SFXN1: variants seen among roughly 807,000 people sequenced by gnomAD.
The protein encoded by SFXN1 is sideroflexin-1.
In SFXN1, 32 loss-of-function variants were observed where a neutral mutation model predicts 39.5. That is an observed-to-expected ratio of 0.81 (90% CI 0.61 to 1.09). SFXN1 has a LOEUF of 1.09. Ranked by LOEUF, SFXN1 falls within the 50% of genes least tolerant of loss-of-function variation. SFXN1 has a pLI of 0.00. For missense variants in SFXN1, 402 were observed against 407.1 expected (o/e 0.99, Z 0.11); for synonymous variants, 136 against 146.5 (o/e 0.93, Z 0.52).
At chr5:175,525,584 C>CTA (rs1041713721) in intron 10 of SFXN1, among the ~76,000 whole-genome samples, 1 of 152,030 alleles carries the variant, frequency 6.6e-6, no homozygotes, top group African/African-American at 2.4e-5. Context: ...ACCTTACAGT[C>CTA]TATCACATGT....
At chr5:175,507,077 C>T (rs185384301) in intron 2 of SFXN1, among the ~76,000 whole-genome samples, 1 of 152,302 alleles carries the variant, frequency 6.6e-6, no homozygotes, top group East Asian at 1.9e-4. Flanking sequence ...TCTAAGAATC[C>T]TTCCTTGGGG....
intron 7 of SFXN1, among the ~76,000 whole-genome samples, chr5:175,515,470 T>C (rs76361465): frequency 0.067 from 10,170 of 152,282 alleles, 459 homozygotes; most frequent in Admixed American, 0.11. Context: ...GTGCAATTTA[T>C]AAGAGTAATT....
chr5:175,513,704 C>A, intron 7 of SFXN1, 114 bp downstream of exon 7: 1 of 1,128,796 alleles, frequency 8.9e-7, no homozygotes, highest in South Asian at 1.4e-5. Flanking sequence ...TTGCCTTCCA[C>A]TGGGGGTGGC....
At chr5:175,480,145 T>C (rs991311142) in intron 1 of SFXN1, among the ~76,000 whole-genome samples, 4 of 152,134 alleles carry the variant, frequency 2.6e-5, no homozygotes, top group African/African-American at 7.2e-5. Flanking sequence ...CTCACGCCTG[T>C]AATCCCAGCA....
chr5:175,515,344 AT>A (rs1760681886), intron 7 of SFXN1, among the ~76,000 whole-genome samples: 1 of 152,110 alleles, frequency 6.6e-6, no homozygotes, highest in Admixed American at 6.5e-5. Flanking sequence ...TCTGTTTTGA[AT>A]TGCCTTACTC....
intron 5 of SFXN1, 109 bp from the exon 6 acceptor site, chr5:175,512,002 A>G (rs779356549): frequency 1.2e-4 from 117 of 994,222 alleles, no homozygotes; most frequent in African/African-American, 2.0e-4. Flanking sequence ...CTGAGTTTCT[A>G]TGCAAATGGG....
intron 3 of SFXN1, chr5:175,509,482 G>T: frequency 4.8e-6 from 1 of 208,218 alleles, no homozygotes. Flanking sequence ...TTCACTTTTA[G>T]TTCCATTATG....
intron 2 of SFXN1, among the ~76,000 whole-genome samples, chr5:175,508,019 A>G (rs180910423): frequency 3.3e-5 from 5 of 151,654 alleles, no homozygotes; most frequent in East Asian, 1.9e-4. Context: ...TTTTCATTCT[A>G]TAGGTATAAA....
chr5:175,492,524 C>G, intron 2 of SFXN1: 1 of 290,332 alleles, frequency 3.4e-6, no homozygotes, highest in East Asian at 6.6e-5. Flanking sequence ...CAATCCCTTT[C>G]TCCTGGCAGC....
rs143312953 is a variant in SFXN1 at position 175,480,985 on chromosome 5, A to G, written c.-10+2346A>G. ...AAATTAGACCATGTGTCAAACCTGC[A>G]CTTAATTACACAAAGTTCAAAGTTA... On this transcript the variant is annotated intron_variant, in intron 1 of 10. Transcript: ENST00000321442. Among the ~76,000 whole-genome samples the G allele has an allele frequency of 4.3e-4, 65 of 152,372 alleles. 1 individual carries two copies. Among genetic ancestry groups the G allele is most frequent in the Middle Eastern group, 3.4e-3 (1 of 294 alleles).
At chr5:175,523,921 T>C (rs1367794921) in intron 10 of SFXN1, 1 of 151,732 alleles carries the variant, frequency 6.6e-6, no homozygotes, top group Admixed American at 6.6e-5. Context: ...GTATCCTCAT[T>C]GATCCAAGCA....
At chr5:175,526,590 T>C in intron 10 of SFXN1, 48 bp from the exon 11 acceptor site, 1 of 1,508,614 alleles carries the variant, frequency 6.6e-7, no homozygotes, top group Non-Finnish European at 9.2e-7. Context: ...AGGTCCTGAT[T>C]CTCACCTCTG....
Position 175,511,517 on chromosome 5 carries a change from A to C in SFXN1, c.501A>C (p.Ala167=). The change falls in exon 5 of 11, where the codon GCA becomes GCC. Residue 167 remains alanine, a synonymous_variant. Transcript: ENST00000321442. ...GAVATALGLN[A]LTKHVSPLIG... is the part of the protein sequence containing the mutation. ...TAGCAACAGCTCTAGGACTCAATGC[A>C]TTGACCAAGGTACTCAGATTTTTAT... The C allele has an allele frequency of 6.2e-7, 1 of 1,613,766 alleles. No homozygotes were observed. The highest frequency in any genetic ancestry group is 8.5e-7 in the Non-Finnish European group (1 of 1,179,756).
In SFXN1 at chr5:175,527,067, T is replaced by C. The variant is rs990554302; in HGVS notation, c.*333T>C. On this transcript the variant is annotated 3_prime_UTR_variant, in exon 11 of 11. Coordinates refer to ENST00000321442, the MANE Select transcript of SFXN1 (RefSeq NM_022754.7). ...GAATAGGTGCTCAGTATATGGTCAG[T>C]AAATGTTCTATTGATTATCAATCAG... The C allele has an allele frequency of 2.2e-5, 5 of 231,918 alleles. No homozygotes were observed. The highest frequency in any genetic ancestry group is 5.2e-5 in the Admixed American group (1 of 19,314). 14.4% of individuals were successfully genotyped at this position (231,918 alleles called of 1,614,324 possible).
intron 1 of SFXN1, among the ~76,000 whole-genome samples, chr5:175,481,432 C>T (rs924789556): frequency 6.6e-6 from 1 of 152,202 alleles, no homozygotes; most frequent in African/African-American, 2.4e-5. Flanking sequence ...AGTGATTCTC[C>T]TGCCTCAACC....
chr5:175,521,718 G>T (rs918235019), intron 8 of SFXN1, among the ~76,000 whole-genome samples: 6 of 152,198 alleles, frequency 3.9e-5, no homozygotes, highest in African/African-American at 1.4e-4. Context: ...CTTGATCTTT[G>T]CGTGTGTGCT....
At chr5:175,488,769 G>A (rs1405992236) in intron 1 of SFXN1, among the ~76,000 whole-genome samples, 3 of 152,316 alleles carry the variant, frequency 2.0e-5, no homozygotes, top group Admixed American at 6.5e-5. Context: ...GGTGGCAGAT[G>A]CCTGTAGTCC....
At chr5:175,507,030 A>G (rs1334579719) in intron 2 of SFXN1, among the ~76,000 whole-genome samples, 5 of 152,180 alleles carry the variant, frequency 3.3e-5, no homozygotes, top group African/African-American at 1.2e-4. Context: ...TGGAGGCTCA[A>G]GGTCTGATAT....
chr5:175,508,247 T>G (rs1001698993), intron 2 of SFXN1, among the ~76,000 whole-genome samples: 37 of 132,314 alleles, frequency 2.8e-4, no homozygotes, highest in African/African-American at 9.8e-4. Flanking sequence ...TTTTTTTTTT[T>G]TGAGAGGGTC....
Sources: gnomAD v4.1 joint callset for allele counts (sites outside exome capture counted in the v4.1 genomes callset) on GRCh38, gnomAD v4.1.1 for gene constraint, MANE v1.5 for transcripts, NCBI Gene and HGNC (gene_info 2026-07-23, HGNC 2026-07-21) for gene names.